Variants in PLXNA4 observed in about 807,000 individuals in gnomAD.
The protein encoded by PLXNA4 is plexin-A4.
A neutral mutation model predicts 191.8 loss-of-function variants in PLXNA4; 44 were observed. That is an observed-to-expected ratio of 0.23 (90% CI 0.18 to 0.29). The LOEUF is 0.29. Ranked by LOEUF, PLXNA4 falls within the 10% of genes least tolerant of loss-of-function variation. The probability of loss-of-function intolerance (pLI) is 1.00; values close to 1 mark genes in which losing one functional copy is unlikely to be tolerated. For missense variants in PLXNA4, 1,800 were observed against 2,488.8 expected (o/e 0.72, Z 5.89); for synonymous variants, 1,082 against 1,009.5 (o/e 1.07, Z -1.36).
chr7:132,409,439 A>T (rs1182513243), intron 3 of PLXNA4, among the ~76,000 whole-genome samples: 1 of 152,014 alleles, frequency 6.6e-6, no homozygotes, highest in Non-Finnish European at 1.5e-5. Context: ...AAATCATCTG[A>T]TGGTCTCATG....
intron 3 of PLXNA4, among the ~76,000 whole-genome samples, chr7:132,396,890 G>A (rs189979700): frequency 8.5e-4 from 130 of 152,362 alleles, no homozygotes; most frequent in African/African-American, 2.7e-3. Flanking sequence ...CAGGATGCTC[G>A]TTTCTTTAGG....
At chr7:132,439,669 G>A (rs932681020) in intron 3 of PLXNA4, among the ~76,000 whole-genome samples, 1 of 152,114 alleles carries the variant, frequency 6.6e-6, no homozygotes, top group Non-Finnish European at 1.5e-5. Flanking sequence ...TGTTTAGGGG[G>A]CAAGACCTGA....
At chr7:132,500,380 T>A (rs549432495) in intron 2 of PLXNA4, among the ~76,000 whole-genome samples, 1 of 151,660 alleles carries the variant, frequency 6.6e-6, no homozygotes, top group East Asian at 1.9e-4. Flanking sequence ...GAAGCATGGG[T>A]TGCAGTGAGC....
chr7:132,362,519 G>A (rs6973207), intron 3 of PLXNA4, among the ~76,000 whole-genome samples: 5,647 of 152,312 alleles, frequency 0.037, 164 homozygotes, highest in Non-Finnish European at 0.054. Context: ...CAACTTGCAC[G>A]CTAACTCTGA....
At position 132,388,010 on chromosome 7, in the gene PLXNA4, C is replaced by G. The variant is rs553607932; in HGVS notation, c.1372-89788G>C. On this transcript the variant is annotated intron_variant, in intron 3 of 31. Coordinates refer to ENST00000321063, the MANE Select transcript of PLXNA4 (RefSeq NM_020911.2). ...TCTGCTTCTGTCTGGGACTGCAGGCCAGCTTCAATCAATTCCCACCGACCA... is the reference window on the plus strand; with the variant it reads ...TCTGCTTCTGTCTGGGACTGCAGGCGAGCTTCAATCAATTCCCACCGACCA... 2.7e-3 allele frequency among the ~76,000 whole-genome samples: 418 copies of G among 152,204 alleles called. 1 individual carries two copies. The highest frequency in any genetic ancestry group is 4.9e-3 in the Non-Finnish European group (332 of 68,000).
chr7:132,311,800 T>G (rs112324539), intron 3 of PLXNA4, among the ~76,000 whole-genome samples: 1 of 152,020 alleles, frequency 6.6e-6, no homozygotes, highest in African/African-American at 2.4e-5. Context: ...GGGTGAGGCA[T>G]GTGAATAGTT....
At chr7:132,185,158 A>G (rs947464421) in intron 16 of PLXNA4, 141 bp downstream of exon 16, 1 of 1,293,332 alleles carries the variant, frequency 7.7e-7, no homozygotes, top group Non-Finnish European at 1.0e-6. Flanking sequence ...GGAAGGTCTG[A>G]TTTGGGGGTG....
intron 3 of PLXNA4, among the ~76,000 whole-genome samples, chr7:132,337,257 C>T (rs1802853926): frequency 6.6e-6 from 1 of 152,246 alleles, no homozygotes; most frequent in Non-Finnish European, 1.5e-5. Context: ...GATACCTGTG[C>T]ATGTGTGCAG....
intron 3 of PLXNA4, among the ~76,000 whole-genome samples, chr7:132,407,120 C>T (rs187026939): frequency 5.1e-4 from 77 of 152,286 alleles, no homozygotes; most frequent in African/African-American, 1.8e-3. Context: ...CAGATATTGA[C>T]GCTCTCATTT....
chr7:132,422,200 T>C (rs926159946), intron 3 of PLXNA4, among the ~76,000 whole-genome samples: 1 of 152,192 alleles, frequency 6.6e-6, no homozygotes, highest in East Asian at 1.9e-4. Flanking sequence ...TCCTTCACCC[T>C]GTATGGCTCT....
intron 3 of PLXNA4, among the ~76,000 whole-genome samples, chr7:132,380,938 T>G (rs1209921796): frequency 2.0e-5 from 3 of 152,228 alleles, no homozygotes; most frequent in African/African-American, 7.2e-5. Context: ...ACTGCCAAGG[T>G]TAAACATGAG....
At chr7:132,213,888 G>A (rs561398733) in intron 9 of PLXNA4, among the ~76,000 whole-genome samples, 5 of 152,244 alleles carry the variant, frequency 3.3e-5, no homozygotes, top group Admixed American at 1.3e-4. Context: ...ACCACCTCCC[G>A]CCATCCACAT....
intron 9 of PLXNA4, 40 bp downstream of exon 9, chr7:132,223,487 C>T: frequency 7.3e-7 from 1 of 1,373,982 alleles, no homozygotes; most frequent in Non-Finnish European, 1.0e-6. Flanking sequence ...CCCATGCTCA[C>T]AACAAGAGAC....
chr7:132,421,308 C>T (rs1794843252), intron 3 of PLXNA4, among the ~76,000 whole-genome samples: 1 of 152,196 alleles, frequency 6.6e-6, no homozygotes, highest in Non-Finnish European at 1.5e-5. Context: ...AGAACACTCA[C>T]TTTTAAAAGG....
Position 132,576,067 on chromosome 7 carries a change from T to C in PLXNA4, c.-87+355A>G, listed in dbSNP as rs985846713. ...GCTAGGGACGAAAGGGGCTGGGAGC[T>C]GAAAAATTGCTCCCTCAACCTCCCC... is the stretch of plus-strand genomic sequence containing the variant. On this transcript the variant is annotated intron_variant, in intron 1 of 31. Coordinates refer to ENST00000321063, the MANE Select transcript of PLXNA4 (RefSeq NM_020911.2). The surrounding 1 kb of genome is among the most constrained non-coding windows in gnomAD (Gnocchi z 5.8). Among the ~76,000 whole-genome samples, 2 of 152,040 alleles carry C rather than the reference T, an allele frequency of 1.3e-5. No homozygotes were observed. Among genetic ancestry groups the C allele is most frequent in the African/African-American group, 4.8e-5 (2 of 41,406 alleles).
chr7:132,332,867 G>GAA (rs537591833), intron 3 of PLXNA4, among the ~76,000 whole-genome samples: 13,409 of 98,434 alleles, frequency 0.14, 762 homozygotes, highest in Admixed American at 0.26. Context: ...CTCAAAAAAA[G>GAA]AAAAAAAAAA....
chr7:132,638,217 C>A (rs1803647407), intron 2 of PLXNA4, among the ~76,000 whole-genome samples: 1 of 152,252 alleles, frequency 6.6e-6, no homozygotes, highest in South Asian at 2.1e-4. Flanking sequence ...CTATCACGGG[C>A]AGCTCTCATG....
At chr7:132,535,513 C>A in intron 1 of PLXNA4, among the ~76,000 whole-genome samples, 1 of 152,190 alleles carries the variant, frequency 6.6e-6, no homozygotes, top group East Asian at 1.9e-4. Context: ...CTCATATCAG[C>A]TGCAGAGTTG....
At chr7:132,181,358 G>A (rs200556625) in intron 18 of PLXNA4, 23 bp downstream of exon 18, 172 of 934,840 alleles carry the variant, frequency 1.8e-4, no homozygotes, top group Middle Eastern at 4.9e-4. Context: ...TCCCACCCCC[G>A]CCTCCCACCA....
Sources: allele counts gnomAD v4.1 joint callset (sites outside exome capture counted in the v4.1 genomes callset), GRCh38; gene constraint gnomAD v4.1.1; non-coding constraint Gnocchi (gnomAD v3.1); transcripts MANE v1.5; gene names NCBI Gene and HGNC (gene_info 2026-07-23, HGNC 2026-07-21).